The following ELFN2 variants were observed in gnomAD, a reference collection of about 807,000 sequenced individuals.
ELFN2 encodes the protein protein phosphatase 1 regulatory subunit 29.
ELFN2 carries 17 observed loss-of-function variants against 45.5 expected under a neutral mutation model. That is an observed-to-expected ratio of 0.37 (90% confidence interval 0.26 to 0.56). The LOEUF is 0.56. ELFN2 is among the 20% of genes least tolerant of loss of function. The probability of loss-of-function intolerance (pLI) is 0.77; values close to 1 mark genes in which losing one functional copy is unlikely to be tolerated. For missense variants in ELFN2, 922 were observed against 1,183.2 expected (o/e 0.78, Z 3.24); for synonymous variants, 550 against 551.5 (o/e 1.00, Z 0.04).
chr22:37,382,946 T>C (rs539033128), intron 2 of ELFN2, among the ~76,000 whole-genome samples: 1 of 152,338 alleles, frequency 6.6e-6, no homozygotes, highest in South Asian at 2.1e-4. Flanking sequence ...GGTGCCACCT[T>C]GCTCTCTGGA....
chr22:37,402,752 T>G (rs1439853515), intron 2 of ELFN2, among the ~76,000 whole-genome samples: 1 of 152,050 alleles, frequency 6.6e-6, no homozygotes, highest in Non-Finnish European at 1.5e-5. Flanking sequence ...GGAGAGATGG[T>G]GTTCAGCCTC....
At chr22:37,407,824 G>C (rs1287404891) in intron 2 of ELFN2, among the ~76,000 whole-genome samples, 2 of 151,996 alleles carry the variant, frequency 1.3e-5, no homozygotes, top group Non-Finnish European at 2.9e-5. Context: ...GAATCCGGGA[G>C]GCGGAGCTTG....
Position 37,373,574 on chromosome 22 carries a change from G to C in ELFN2, c.1961C>G (p.Thr654Arg). The change falls in exon 3 of 3, where the codon ACA becomes AGA. Residue 654 changes from threonine (T) to arginine (R), a missense_variant. Around this residue, in one of 2 missense-constraint regions of ELFN2, gnomAD observed 564 missense variants for 642.8 expected, o/e 0.88. Transcript: ENST00000402918. ...SLDVPDHPAA[T>R]GLAKGDSKYI... ...CTTGGAGTCGCCCTTAGCCAGCCCTGTGGCGGCCGGATGGTCGGGCACGTC... is the reference window on the plus strand; with the variant it reads ...CTTGGAGTCGCCCTTAGCCAGCCCTCTGGCGGCCGGATGGTCGGGCACGTC... 1 of 1,605,164 alleles carries C rather than the reference G, an allele frequency of 6.2e-7. No individual in the cohort carries two copies. The highest frequency in any genetic ancestry group is 1.3e-5 in the African/African-American group (1 of 75,002).
intron 2 of ELFN2, among the ~76,000 whole-genome samples, chr22:37,384,452 C>T (rs1056601396): frequency 3.3e-5 from 5 of 151,796 alleles, no homozygotes; most frequent in Non-Finnish European, 5.9e-5. Context: ...TTTACCTCTC[C>T]TCCCCTGGAT....
chr22:37,366,358 G>A (rs1244223186), downstream of ELFN2, among the ~76,000 whole-genome samples: 3 of 152,182 alleles, frequency 2.0e-5, no homozygotes, highest in Non-Finnish European at 4.4e-5. Context: ...AAGCCATCCC[G>A]GAGGACACTT....
intron 1 of ELFN2, among the ~76,000 whole-genome samples, chr22:37,350,873 C>G (rs1194665243): frequency 4.0e-5 from 6 of 150,332 alleles, no homozygotes; most frequent in Admixed American, 6.6e-5. Context: ...GGGCCCTCCC[C>G]TCTCAGGACT....
At chr22:37,410,754 C>T (rs1056818493) in intron 2 of ELFN2, among the ~76,000 whole-genome samples, 9 of 152,206 alleles carry the variant, frequency 5.9e-5, no homozygotes, top group Non-Finnish European at 1.0e-4. Flanking sequence ...GGAGGATGAT[C>T]GGGCCGGAGC....
intron 2 of ELFN2, among the ~76,000 whole-genome samples, chr22:37,383,760 C>T (rs1271634325): frequency 1.3e-5 from 2 of 152,242 alleles, no homozygotes; most frequent in African/African-American, 2.4e-5. Flanking sequence ...ACTAAGCTGC[C>T]TTCTTACTCA....
chr22:37,403,040 C>T (rs747349006), intron 2 of ELFN2, among the ~76,000 whole-genome samples: 1 of 152,098 alleles, frequency 6.6e-6, no homozygotes, highest in Non-Finnish European at 1.5e-5. Context: ...CTGCTGGCAT[C>T]GAGCAGAAAA....
At chr22:37,378,018 C>A (rs1404958716) in intron 2 of ELFN2, among the ~76,000 whole-genome samples, 2 of 152,210 alleles carry the variant, frequency 1.3e-5, no homozygotes, top group African/African-American at 2.4e-5. Context: ...TGTCAGAGAA[C>A]CCTCGTCTGC....
intron 2 of ELFN2, among the ~76,000 whole-genome samples, chr22:37,389,730 C>T (rs1275577794): frequency 6.6e-6 from 1 of 152,186 alleles, no homozygotes; most frequent in African/African-American, 2.4e-5. Flanking sequence ...GCTGTTTAGC[C>T]CTTGCCTGTC....
intron 1 of ELFN2, among the ~76,000 whole-genome samples, chr22:37,422,004 C>A (rs563322602): frequency 2.0e-5 from 3 of 152,204 alleles, no homozygotes; most frequent in Non-Finnish European, 4.4e-5. Context: ...ACTAGGCCCA[C>A]GGCAGGCTGG....
In ELFN2 at chr22:37,374,043, T is replaced by C. The variant is rs1374859149; in HGVS notation, c.1492A>G (p.Thr498Ala). The C allele has an allele frequency of 6.2e-7, 1 of 1,613,080 alleles. No homozygotes were observed. The highest frequency in any genetic ancestry group is 1.7e-5 in the Admixed American group (1 of 60,012). The stretch of plus-strand genomic sequence containing the variant: ...CGCACCTCGATATAGTTGCCTTTGG[T>C]GGCTACCTTGGGTGTGTCCAGCCCG... ...EAGLDTPKVA[T>A]KGNYIEVRTG... is the part of the protein sequence containing the mutation. The change falls in exon 3 of 3, where the codon ACC becomes GCC. Residue 498 changes from threonine to alanine, a missense_variant. Around this residue, in one of 2 missense-constraint regions of ELFN2, gnomAD observed 564 missense variants for 642.8 expected, o/e 0.88. Transcript: ENST00000402918.
In ELFN2 at chr22:37,392,195, C is replaced by T. The variant is rs542131749; in HGVS notation, c.-462-16199G>A. On this transcript the variant is annotated intron_variant, in intron 2 of 2. Transcript: ENST00000402918. Reference sequence around the variant, plus strand: ...CTGCCCCCGTCTCTAAAAAGGCTCACCTGTGTTTGTGAGATGCTCACAGTG... The same window carrying T: ...CTGCCCCCGTCTCTAAAAAGGCTCATCTGTGTTTGTGAGATGCTCACAGTG... Among the ~76,000 whole-genome samples, 4 of 152,340 alleles carry T rather than the reference C, an allele frequency of 2.6e-5. No individual in the cohort carries two copies. The South Asian group carries it at 8.3e-4, about 32-fold the overall frequency.
At chr22:37,348,818 G>C (rs1405784893) in intron 1 of ELFN2, among the ~76,000 whole-genome samples, 1 of 150,726 alleles carries the variant, frequency 6.6e-6, no homozygotes, top group Non-Finnish European at 1.5e-5. Context: ...GCTGCCAGCA[G>C]GGCAGCAGAG....
rs1931383102 is a variant in ELFN2 at position 37,372,074 on chromosome 22, G to C, written c.*998C>G. 6.6e-6 allele frequency: 1 copy of C among 152,488 alleles called. No homozygotes were observed. Among genetic ancestry groups the C allele is most frequent in the African/African-American group, 2.4e-5 (1 of 41,434 alleles). The allele number at this position is 152,488 out of a possible 1,614,324, so 9.4% of individuals were successfully genotyped here. ...AGTGCACCGCTGCCCTTCTGCGGTG[G>C]GCAGGGGTCTCGGAGGACCAGAGAA... On this transcript the variant is annotated 3_prime_UTR_variant, in exon 3 of 3. Transcript: ENST00000402918. The surrounding 1 kb of genome is among the most constrained non-coding windows in gnomAD (Gnocchi z 4.4).
At position 37,374,109 on chromosome 22, in the gene ELFN2, T is replaced by G; in HGVS notation, c.1426A>C (p.Met476Leu). 6.2e-7 allele frequency: 1 copy of G among 1,612,870 alleles called. No individual in the cohort carries two copies. Residue 476 changes from methionine to leucine, a missense_variant, in exon 3 of 3, where the codon ATG becomes CTG. This residue lies in a region of ELFN2 where 564 missense variants were observed against 642.8 expected (regional missense o/e 0.88). Coordinates refer to ENST00000402918, the MANE Select transcript of ELFN2 (RefSeq NM_052906.5). Reference protein sequence around the residue: ...PVSRMASIPSMIGEKLPTAKG... With the variant: ...PVSRMASIPSLIGEKLPTAKG... ...GCGGTGGGCAGCTTCTCCCCGATCA[T>G]GGAGGGGATGGAGGCCATGCGAGAT...
intron 1 of ELFN2, chr22:37,354,605 G>C (rs1328377049): frequency 1.3e-5 from 2 of 152,180 alleles, no homozygotes; most frequent in East Asian, 1.9e-4. Flanking sequence ...ATGTCCCCTG[G>C]GGGTAGGGTT....
intron 2 of ELFN2, among the ~76,000 whole-genome samples, chr22:37,395,980 T>G (rs1308955401): frequency 1.3e-5 from 2 of 152,100 alleles, no homozygotes; most frequent in East Asian, 3.9e-4. Flanking sequence ...AGCTGGTGGT[T>G]AAGTGGGAGG....
Sources: allele counts gnomAD v4.1 joint callset (sites outside exome capture counted in the v4.1 genomes callset), GRCh38; gene constraint gnomAD v4.1.1; regional missense constraint gnomAD v4.1.1; non-coding constraint Gnocchi (gnomAD v3.1); transcripts MANE v1.5; gene names NCBI Gene and HGNC (gene_info 2026-07-23, HGNC 2026-07-21).